Variants in NTM observed in about 807,000 individuals in gnomAD.
The protein encoded by NTM is neurotrimin.
A neutral mutation model predicts 42.1 loss-of-function variants in NTM; 13 were observed. The ratio of observed to expected loss-of-function variants is 0.31; its 90% CI spans 0.20 to 0.49. The LOEUF (loss-of-function observed/expected upper bound fraction) is 0.49, where lower values mean the gene tolerates loss of function less well. NTM is among the 20% of genes least tolerant of loss of function. The pLI is 0.99. For missense variants in NTM, 373 were observed against 452.8 expected (o/e 0.82, Z 1.60); for synonymous variants, 187 against 179.2 (o/e 1.04, Z -0.35).
chr11:131,926,746 T>A (rs771509691), intron 2 of NTM, among the ~76,000 whole-genome samples: 1 of 152,206 alleles, frequency 6.6e-6, no homozygotes, highest in African/African-American at 2.4e-5. Flanking sequence ...CCTGGTAGTT[T>A]CCGTGTGGAC....
chr11:132,022,438 T>C (rs1244061027), intron 2 of NTM, among the ~76,000 whole-genome samples: 3 of 152,154 alleles, frequency 2.0e-5, no homozygotes, highest in Non-Finnish European at 4.4e-5. Flanking sequence ...TTCTTCAGAG[T>C]CCGCATGATA....
chr11:131,841,756 G>C (rs1306437911), intron 1 of NTM, among the ~76,000 whole-genome samples: 1 of 152,170 alleles, frequency 6.6e-6, no homozygotes, highest in Non-Finnish European at 1.5e-5. Context: ...AGAGCCCCCT[G>C]AGCTGAGTGA....
chr11:132,325,736 T>A (rs2095665513), intron 7 of NTM, among the ~76,000 whole-genome samples: 1 of 152,214 alleles, frequency 6.6e-6, no homozygotes, highest in Non-Finnish European at 1.5e-5. Flanking sequence ...ATTGTGGCAC[T>A]ATTCACAATA....
In NTM at chr11:131,666,180, G is replaced by C. The variant is rs558450789; in HGVS notation, c.83-245384G>C. ...ATTGAATTCCTCAACCCATGGTCAA[G>C]TGACTGAGTGAGGCCAGCCCTTCAC... On this transcript the variant is annotated intron_variant, in intron 1 of 8. Transcript: ENST00000683400. Among the ~76,000 whole-genome samples the C allele has an allele frequency of 7.9e-5, 12 of 152,234 alleles. No individual in the cohort carries two copies. In the South Asian group the frequency reaches 2.5e-3, roughly 32 times the overall value.
intron 1 of NTM, among the ~76,000 whole-genome samples, chr11:131,528,510 A>G (rs2050805289): frequency 6.6e-6 from 1 of 152,214 alleles, no homozygotes; most frequent in Non-Finnish European, 1.5e-5. Flanking sequence ...TCAGTGCCAC[A>G]GATGCTTCAC....
intron 1 of NTM, chr11:131,538,468 T>C (rs1167539709): frequency 1.3e-5 from 2 of 152,280 alleles, no homozygotes; most frequent in Non-Finnish European, 2.9e-5. Context: ...CTACTCTGTA[T>C]ATGGTACTGT....
chr11:132,284,451 C>A (rs553451694), intron 4 of NTM: 1 of 152,580 alleles, frequency 6.6e-6, no homozygotes, highest in South Asian at 2.1e-4. Flanking sequence ...TAGATTGGGT[C>A]TCCCCCAGTG....
intron 2 of NTM, among the ~76,000 whole-genome samples, chr11:132,040,631 G>A (rs2077057296): frequency 2.0e-5 from 3 of 152,174 alleles, no homozygotes; most frequent in Admixed American, 2.0e-4. Flanking sequence ...AAGGGGTCTT[G>A]TTCCCACTCC....
intron 2 of NTM, among the ~76,000 whole-genome samples, chr11:132,115,223 G>A (rs1346543754): frequency 1.3e-5 from 2 of 152,104 alleles, no homozygotes; most frequent in African/African-American, 2.4e-5. Flanking sequence ...GAGATCTAAC[G>A]AACAGCTTGG....
At chr11:132,320,986 TAACA>T (rs1179658122) in intron 7 of NTM, among the ~76,000 whole-genome samples, 8 of 150,240 alleles carry the variant, frequency 5.3e-5, no homozygotes, top group African/African-American at 1.0e-4. Flanking sequence ...GAAGGAAAAC[TAACA>T]AACAGAAAGG....
At chr11:132,215,969 G>A (rs574987001) in intron 4 of NTM, among the ~76,000 whole-genome samples, 28 of 152,362 alleles carry the variant, frequency 1.8e-4, no homozygotes, top group Admixed American at 3.9e-4. Context: ...CACAGGCACC[G>A]TTGGTGGAAC....
rs367766820 is a variant in NTM, at chr11:131,983,712, C to CT, written c.167+72065dup. ...TCTTCTATTATATAAATAAAATTCT[C>CT]TGAGTTGACTCAATATAAATTTATG... On this transcript the variant is annotated intron_variant, in intron 2 of 8. Transcript: ENST00000683400. 3.0e-3 allele frequency among the ~76,000 whole-genome samples: 451 copies of CT among 150,816 alleles called. 4 individuals are homozygous for CT. Among genetic ancestry groups the CT allele is most frequent in the African/African-American group, 0.011 (436 of 41,428 alleles).
At chr11:131,997,836 A>G (rs1191043931) in intron 2 of NTM, among the ~76,000 whole-genome samples, 1 of 152,118 alleles carries the variant, frequency 6.6e-6, no homozygotes, top group Admixed American at 6.5e-5. Flanking sequence ...TAGAACCTTC[A>G]ACTACCATTG....
intron 1 of NTM, among the ~76,000 whole-genome samples, chr11:131,780,645 T>A (rs935947741): frequency 3.9e-5 from 6 of 152,184 alleles, no homozygotes; most frequent in Admixed American, 6.5e-5. Context: ...ACTTCTATAC[T>A]CAAGATTTCC....
At chr11:131,506,721 C>T (rs545419823) in intron 1 of NTM, among the ~76,000 whole-genome samples, 9 of 152,194 alleles carry the variant, frequency 5.9e-5, no homozygotes, top group Non-Finnish European at 1.2e-4. Context: ...GGCAGTAGGC[C>T]CCTGGGAAAA....
chr11:131,431,736 A>G (rs557965463), intron 1 of NTM, among the ~76,000 whole-genome samples: 3 of 152,172 alleles, frequency 2.0e-5, no homozygotes, highest in Non-Finnish European at 4.4e-5. Flanking sequence ...TCACAGATGG[A>G]GAGGTGACCC....
In NTM at chr11:131,474,612, G is replaced by T. The variant is rs578069957; in HGVS notation, c.82+103724G>T. 1.1e-4 allele frequency among the ~76,000 whole-genome samples: 16 copies of T among 152,030 alleles called. No individual in the cohort carries two copies. The South Asian group carries it at 3.3e-3, about 32-fold the overall frequency. The stretch of plus-strand genomic sequence containing the variant: ...TCTGAATTCTCTTTCTTGATTTGTA[G>T]CATCTCCATCTGCTCAGCTGCCTAG... On this transcript the variant is annotated intron_variant, in intron 1 of 8. Transcript: ENST00000683400.
chr11:131,420,702 T>A (rs77074685), intron 1 of NTM, among the ~76,000 whole-genome samples: 1 of 152,162 alleles, frequency 6.6e-6, no homozygotes, highest in African/African-American at 2.4e-5. Context: ...ATTGAGGGAA[T>A]TCAAGGCTTG....
intron 4 of NTM, among the ~76,000 whole-genome samples, chr11:132,250,463 G>C (rs2091810516): frequency 6.6e-6 from 1 of 151,862 alleles, no homozygotes; most frequent in African/African-American, 2.4e-5. Context: ...TTCAAATATT[G>C]CCTCTTGTCC....
Sources: allele counts gnomAD v4.1 joint callset (sites outside exome capture counted in the v4.1 genomes callset), GRCh38; gene constraint gnomAD v4.1.1; transcripts MANE v1.5; gene names NCBI Gene and HGNC (gene_info 2026-07-23, HGNC 2026-07-21).